SAMSN1: variants seen among roughly 807,000 people sequenced by gnomAD.
SAMSN1 encodes the protein SAM domain, SH3 domain and nuclear localization signals 1, also known as SAM domain-containing protein SAMSN-1.
In SAMSN1, 31 loss-of-function variants were observed where a neutral mutation model predicts 42.0. The observed-to-expected ratio is 0.74, with a 90% CI of 0.55 to 1.00. The LOEUF (loss-of-function observed/expected upper bound fraction) is 1.00. Among genes scored for constraint, SAMSN1 ranks in the 50% least tolerant of loss-of-function variants. The probability of loss-of-function intolerance (pLI) is 0.00; values close to 1 mark genes in which losing one functional copy is unlikely to be tolerated. For synonymous variants in SAMSN1, 178 were observed against 151.9 expected (o/e 1.17, Z -1.26); for missense variants, 464 against 439.4 (o/e 1.06, Z -0.50).
chr21:14,549,928 CA>C (rs61616495), upstream of SAMSN1, among the ~76,000 whole-genome samples: 42 of 147,032 alleles, frequency 2.9e-4, no homozygotes, highest in East Asian at 3.0e-3. Context: ...CCTACAATAT[CA>C]AAAAAAAAAA....
intron 1 of SAMSN1, among the ~76,000 whole-genome samples, chr21:14,532,347 A>G (rs931613425): frequency 6.6e-6 from 1 of 152,166 alleles, no homozygotes; most frequent in Non-Finnish European, 1.5e-5. Context: ...TTTTTTTCTT[A>G]GTAAGAACAG....
chr21:14,501,042 A>T (rs546582633), intron 5 of SAMSN1, among the ~76,000 whole-genome samples: 11 of 151,782 alleles, frequency 7.2e-5, no homozygotes, highest in African/African-American at 2.7e-4. Flanking sequence ...CTGGCGTGGT[A>T]GCATGTATCT....
intron 7 of SAMSN1, among the ~76,000 whole-genome samples, chr21:14,489,833 G>T (rs937121900): frequency 7.2e-5 from 11 of 152,016 alleles, no homozygotes; most frequent in Admixed American, 7.2e-4. Flanking sequence ...AAAGAAAAGG[G>T]TGGCATCGTG....
chr21:14,531,999 G>A (rs373193479), intron 1 of SAMSN1, among the ~76,000 whole-genome samples: 384 of 151,962 alleles, frequency 2.5e-3, no homozygotes, highest in Middle Eastern at 0.017. Context: ...TTTTTTTTGA[G>A]TCATTTTTAC....
intron 7 of SAMSN1, among the ~76,000 whole-genome samples, chr21:14,498,198 A>G (rs1220539108): frequency 1.3e-5 from 2 of 152,234 alleles, no homozygotes; most frequent in Non-Finnish European, 2.9e-5. Flanking sequence ...AGCTTTGCAG[A>G]GTGGAAATGA....
At chr21:14,510,743 T>C (rs959435549) in intron 4 of SAMSN1, among the ~76,000 whole-genome samples, 3 of 152,170 alleles carry the variant, frequency 2.0e-5, no homozygotes, top group Non-Finnish European at 2.9e-5. Context: ...CAGTGCACAA[T>C]GTACTAAGTA....
At chr21:14,568,420 A>T (rs1981189578) in intron 2 of SAMSN1, among the ~76,000 whole-genome samples, 1 of 152,196 alleles carries the variant, frequency 6.6e-6, no homozygotes, top group African/African-American at 2.4e-5. Flanking sequence ...TTGCCTATTT[A>T]TTTTAAAACT....
intron 7 of SAMSN1, among the ~76,000 whole-genome samples, chr21:14,593,079 A>G (rs1261186437): frequency 1.3e-5 from 2 of 152,168 alleles, no homozygotes; most frequent in Non-Finnish European, 2.9e-5. Context: ...AGCACAACTT[A>G]GACATCTCTT....
intron 4 of SAMSN1, among the ~76,000 whole-genome samples, chr21:14,612,093 T>C (rs780165923): frequency 1.3e-5 from 2 of 152,064 alleles, no homozygotes; most frequent in Non-Finnish European, 2.9e-5. Context: ...ATTAGCTGGG[T>C]GTGATGGCAC....
chr21:14,506,794 A>C (rs1202071218), intron 5 of SAMSN1, among the ~76,000 whole-genome samples: 2 of 152,216 alleles, frequency 1.3e-5, no homozygotes, highest in Admixed American at 1.3e-4. Flanking sequence ...AAAATTCTTA[A>C]CAAAATACTA....
chr21:14,546,010 A>G (rs557344730), intron 1 of SAMSN1, among the ~76,000 whole-genome samples, 195 bp downstream of exon 1: 11 of 152,364 alleles, frequency 7.2e-5, no homozygotes, highest in African/African-American at 2.6e-4. Context: ...ACAAAATTAC[A>G]GAGACAATAA....
At chr21:14,524,966 C>A (rs1369774448) in intron 1 of SAMSN1, among the ~76,000 whole-genome samples, 1 of 152,094 alleles carries the variant, frequency 6.6e-6, no homozygotes, top group African/African-American at 2.4e-5. Context: ...TGAAAACTAA[C>A]AAATAAAGGG....
At chr21:14,639,893 C>T (rs1175274690) in intron 2 of SAMSN1, among the ~76,000 whole-genome samples, 1 of 152,114 alleles carries the variant, frequency 6.6e-6, no homozygotes, top group African/African-American at 2.4e-5. Flanking sequence ...TTAATAATGT[C>T]CTATATCTTA....
In SAMSN1 at chr21:14,514,793, A is replaced by G. The variant is rs140531604; in HGVS notation, c.279+2099T>C. Among the ~76,000 whole-genome samples, 599 of 152,278 alleles carry G rather than the reference A, an allele frequency of 3.9e-3. 4 individuals are homozygous for G. Among genetic ancestry groups the G allele is most frequent in the African/African-American group, 0.014 (581 of 41,556 alleles). ...GAGAATAAATATATTAGCTTTGGAT[A>G]TATTAGGTTTTGGATGTCTACTGGA... On this transcript the variant is annotated intron_variant, in intron 3 of 7. Coordinates refer to ENST00000400566, the MANE Select transcript of SAMSN1 (RefSeq NM_022136.5).
At chr21:14,493,613 A>ACACACACACACACG (rs1555826735) in intron 7 of SAMSN1, among the ~76,000 whole-genome samples, 2 of 150,918 alleles carry the variant, frequency 1.3e-5, no homozygotes, top group South Asian at 4.2e-4. Flanking sequence ...ACACACACAC[A>ACACACACACACACG]TATTTTCTGT....
chr21:14,605,658 T>A (rs1213170771), intron 5 of SAMSN1, among the ~76,000 whole-genome samples: 24 of 152,006 alleles, frequency 1.6e-4, no homozygotes, highest in Non-Finnish European at 1.6e-4. Flanking sequence ...GCTGGCCAAA[T>A]GATATTGACT....
intron 1 of SAMSN1, among the ~76,000 whole-genome samples, chr21:14,525,077 T>A (rs1978755559): frequency 6.6e-6 from 1 of 152,190 alleles, no homozygotes; most frequent in Admixed American, 6.5e-5. Context: ...GTTCTGTATA[T>A]GTTCATACTT....
upstream of SAMSN1, among the ~76,000 whole-genome samples, chr21:14,586,427 TAAG>T (rs1220619504): frequency 5.9e-5 from 9 of 152,276 alleles, no homozygotes; most frequent in East Asian, 1.5e-3. Context: ...AAATGTGTTC[TAAG>T]AAGATTAACC....
chr21:14,486,037 C>T lies in SAMSN1; in HGVS notation c.997G>A (p.Asp333Asn). ...TAGCAACCAGAGTCCCTTGGGCAGT[C>T]ATCTAACTGTGACTTATTTAAGGAG... Reference protein sequence around the residue: ...DISLNKSQLDDCPRDSGCYIS... With the variant: ...DISLNKSQLDNCPRDSGCYIS... The change falls in exon 8 of 8, where the codon GAC becomes AAC. Residue 333 changes from aspartate to asparagine, a missense_variant. Physicochemically the swap from Asp to Asn is conservative, Grantham distance 23. Transcript: ENST00000400566. 6 of 1,613,710 alleles carry T rather than the reference C, an allele frequency of 3.7e-6. No individual in the cohort carries two copies. The highest frequency in any genetic ancestry group is 5.1e-6 in the Non-Finnish European group (6 of 1,179,728).
Sources: allele counts gnomAD v4.1 joint callset (sites outside exome capture counted in the v4.1 genomes callset), GRCh38; gene constraint gnomAD v4.1.1; transcripts MANE v1.5; gene names NCBI Gene and HGNC (gene_info 2026-07-23, HGNC 2026-07-21).